Variants in CORO7 observed in about 807,000 individuals in gnomAD.
CORO7 encodes coronin 7.
A neutral mutation model predicts 126.6 loss-of-function variants in CORO7; 107 were observed. That is an observed-to-expected ratio of 0.85 (90% CI 0.72 to 0.99). CORO7 has a LOEUF of 0.99. Among genes scored for constraint, CORO7 ranks in the 50% least tolerant of loss-of-function variants. The probability of loss-of-function intolerance (pLI) is 0.00; values close to 1 mark genes in which losing one functional copy is unlikely to be tolerated. For synonymous variants in CORO7, 603 were observed against 536.8 expected, an observed-to-expected ratio of 1.12 and a Z score of -1.70; for missense variants, 1,314 against 1,255.8, an observed-to-expected ratio of 1.05 and a Z score of -0.70.
chr16:4,357,351 CT>C, intron 25 of CORO7, 92 bp from the exon 26 acceptor site: 1 of 958,302 alleles, frequency 1.0e-6, no homozygotes. Context: ...TCTTTTCTTT[CT>C]TTCTTTTTTT....
intron 9 of CORO7, chr16:4,382,600 C>A (rs759451198): frequency 6.3e-7 from 1 of 1,590,074 alleles, no homozygotes; most frequent in South Asian, 1.1e-5. Flanking sequence ...GGGCAACCTG[C>A]CGCTCCTCAT....
At chr16:4,380,797 C>G (rs781555384) in intron 9 of CORO7, 12 of 1,393,658 alleles carry the variant, frequency 8.6e-6, no homozygotes, top group African/African-American at 5.8e-5. Context: ...TTCCCTCTGG[C>G]TCTTCCTGGC....
intron 5 of CORO7, among the ~76,000 whole-genome samples, 170 bp from the exon 6 acceptor site, chr16:4,405,737 C>T (rs1020975850): frequency 2.0e-5 from 3 of 150,702 alleles, no homozygotes; most frequent in Admixed American, 2.0e-4. Flanking sequence ...TCCCCTGCAC[C>T]ACAGGCTGCT....
rs149534197 is a variant in CORO7, at chr16:4,398,351, C to T, written c.565-3012G>A. On this transcript the variant is annotated intron_variant, in intron 6 of 27. Coordinates refer to ENST00000251166, the MANE Select transcript of CORO7 (RefSeq NM_024535.5). ...ATATCCCCTGACACCCATTAGGATG[C>T]CTATTACATTTTTAAAAATAGCAAG... Among the ~76,000 whole-genome samples the T allele has an allele frequency of 5.2e-3, 793 of 152,234 alleles. 8 individuals are homozygous for T. Among genetic ancestry groups the T allele is most frequent in the African/African-American group, 0.018 (747 of 41,550 alleles).
intron 9 of CORO7, chr16:4,382,055 C>T: frequency 6.3e-7 from 1 of 1,590,964 alleles, no homozygotes; most frequent in Non-Finnish European, 8.5e-7. Flanking sequence ...CCCAGCCCGC[C>T]CTCCACTGCC....
chr16:4,356,414 ATTTTT>A (rs1331871091), intron 26 of CORO7: 1 of 151,662 alleles, frequency 6.6e-6, no homozygotes, highest in African/African-American at 2.4e-5. Flanking sequence ...ACTATATTTT[ATTTTT>A]ATTTTTATTT....
At position 4,362,465 on chromosome 16, in the gene CORO7, G is replaced by C. The variant is rs1327512240; in HGVS notation, c.1402+147C>G. ...CTCAGCCACCACACCCCAGCCCCCA[G>C]GACAAATGACCCTGCCAGTGAGTCT... On this transcript the variant is annotated intron_variant, in intron 15 of 27. Coordinates refer to ENST00000251166, the MANE Select transcript of CORO7 (RefSeq NM_024535.5). The surrounding 1 kb of genome is among the most constrained non-coding windows in gnomAD (Gnocchi z 5.3). 1.4e-6 allele frequency: 2 copies of C among 1,417,258 alleles called. No individual in the cohort carries two copies. Among genetic ancestry groups the C allele is most frequent in the African/African-American group, 1.4e-5 (1 of 69,336 alleles). 87.8% of individuals were successfully genotyped at this position (1,417,258 alleles called of 1,614,324 possible). A position where few individuals can be genotyped will look rare whatever the true frequency, so the allele number is the denominator to read the frequency against.
At chr16:4,374,549 C>T (rs531394588) in intron 9 of CORO7, among the ~76,000 whole-genome samples, 5 of 152,186 alleles carry the variant, frequency 3.3e-5, no homozygotes, top group East Asian at 1.9e-4. Flanking sequence ...CGGCCTACAC[C>T]GGGAAGGGGC....
At chr16:4,404,457 G>C (rs1189607305) in intron 6 of CORO7, among the ~76,000 whole-genome samples, 1 of 152,152 alleles carries the variant, frequency 6.6e-6, no homozygotes, top group Admixed American at 6.5e-5. Context: ...CCTGGGGGCA[G>C]CACTATGTGG....
At chr16:4,397,160 A>G (rs1464878749) in intron 6 of CORO7, among the ~76,000 whole-genome samples, 2 of 152,008 alleles carry the variant, frequency 1.3e-5, no homozygotes, top group African/African-American at 4.8e-5. Flanking sequence ...TATAGTAAGT[A>G]TGGCCAGGAG....
intron 9 of CORO7, among the ~76,000 whole-genome samples, chr16:4,385,275 G>T (rs1326605801): frequency 6.6e-6 from 1 of 152,130 alleles, no homozygotes; most frequent in Non-Finnish European, 1.5e-5. Flanking sequence ...CACAGGGAGG[G>T]AAGACAACAT....
intron 9 of CORO7, among the ~76,000 whole-genome samples, chr16:4,368,080 C>G (rs1380206810): frequency 6.6e-6 from 1 of 152,130 alleles, no homozygotes; most frequent in African/African-American, 2.4e-5. Flanking sequence ...GGTATGCTGG[C>G]TCACGCCTGT....
At chr16:4,379,531 C>T (rs2054875612) in intron 9 of CORO7, among the ~76,000 whole-genome samples, 3 of 152,142 alleles carry the variant, frequency 2.0e-5, no homozygotes, top group Non-Finnish European at 2.9e-5. Flanking sequence ...GACTTGCTGG[C>T]ACCGCAATGG....
chr16:4,402,178 A>AT (rs1354845009), intron 6 of CORO7, among the ~76,000 whole-genome samples: 1 of 151,966 alleles, frequency 6.6e-6, no homozygotes, highest in Non-Finnish European at 1.5e-5. Context: ...ACCTCAGGTG[A>AT]TCCGCCTGCT....
At chr16:4,414,943 C>A (rs1310708465) in intron 1 of CORO7, among the ~76,000 whole-genome samples, 1 of 152,138 alleles carries the variant, frequency 6.6e-6, no homozygotes, top group Non-Finnish European at 1.5e-5. Context: ...CTCACTGCAA[C>A]CTCCACTTCC....
chr16:4,368,921 G>A (rs1230736565), intron 9 of CORO7, among the ~76,000 whole-genome samples: 1 of 152,210 alleles, frequency 6.6e-6, no homozygotes, highest in Non-Finnish European at 1.5e-5. Flanking sequence ...GAAGCTGAGG[G>A]CAAGTAGGAT....
chr16:4,400,990 C>T (rs11645759), intron 6 of CORO7, among the ~76,000 whole-genome samples: 1,900 of 152,222 alleles, frequency 0.012, 16 homozygotes, highest in Non-Finnish European at 0.02. Context: ...AGTCCATCAA[C>T]TAAAACAACC....
chr16:4,357,769 G>C (rs1032344589), intron 25 of CORO7, 199 bp downstream of exon 25: 11 of 872,986 alleles, frequency 1.3e-5, no homozygotes, highest in African/African-American at 1.7e-5. Context: ...GTGTGTGTTA[G>C]GGGTGGGGAC....
Position 4,357,158 on chromosome 16 carries a change from C to A in CORO7, c.2685+10G>T. ...GTCACCTCCGCACAGCTGCTCTCTC[C>A]CATGCCTACCTCCTCCTTCTTTTGC... On this transcript the variant is annotated intron_variant, in intron 26 of 27. Transcript: ENST00000251166. 3.1e-6 allele frequency: 5 copies of A among 1,613,806 alleles called. No individual in the cohort carries two copies. The highest frequency in any genetic ancestry group is 4.2e-6 in the Non-Finnish European group (5 of 1,179,990).
Sources: gnomAD v4.1 joint callset for allele counts (sites outside exome capture counted in the v4.1 genomes callset) on GRCh38, gnomAD v4.1.1 for gene constraint, Gnocchi (gnomAD v3.1) non-coding constraint, MANE v1.5 for transcripts, NCBI Gene and HGNC (gene_info 2026-07-23, HGNC 2026-07-21) for gene names.